The following RAB3IP variants were observed in gnomAD, a reference collection of about 807,000 sequenced individuals.
The protein encoded by RAB3IP is rab-3A-interacting protein.
RAB3IP carries 36 observed loss-of-function variants against 59.1 expected under a neutral mutation model. The observed-to-expected ratio is 0.61, with a 90% CI of 0.47 to 0.80. The LOEUF (loss-of-function observed/expected upper bound fraction) is 0.80. RAB3IP is among the 30% of genes least tolerant of loss of function. The pLI is 0.00. For synonymous variants in RAB3IP, 207 were observed against 191.2 expected (o/e 1.08, Z -0.68); for missense variants, 511 against 536.0 (o/e 0.95, Z 0.46).
chr12:69,783,675 C>G (rs1438343203), intron 3 of RAB3IP, among the ~76,000 whole-genome samples: 1 of 152,186 alleles, frequency 6.6e-6, no homozygotes, highest in Non-Finnish European at 1.5e-5. Flanking sequence ...TAGATTTGCT[C>G]TCCGAGTTTT....
rs374834761 is a variant in RAB3IP, at chr12:69,815,455, G to A, written c.*9G>A. 23 of 1,586,796 alleles carry A rather than the reference G, an allele frequency of 1.4e-5. No homozygotes were observed. Among genetic ancestry groups the A allele is most frequent in the African/African-American group, 1.3e-4 (10 of 74,434 alleles). On this transcript the variant is annotated 3_prime_UTR_variant, in exon 11 of 11. Coordinates refer to ENST00000247833, the MANE Select transcript of RAB3IP (RefSeq NM_022456.5). ...TCAAAGAGGAACTCTGATGCTCTGC[G>A]TGGGACCATGCCTGAACTCCCCGAA...
intron 8 of RAB3IP, among the ~76,000 whole-genome samples, chr12:69,810,515 C>T (rs777304426): frequency 3.3e-5 from 5 of 152,292 alleles, no homozygotes; most frequent in Middle Eastern, 6.8e-3. Flanking sequence ...ATCTTGGCTC[C>T]ACCCTCCAGA....
intron 1 of RAB3IP, among the ~76,000 whole-genome samples, chr12:69,745,639 T>C (rs1462019805): frequency 6.6e-6 from 1 of 152,192 alleles, no homozygotes; most frequent in African/African-American, 2.4e-5. Flanking sequence ...GATTAAACAT[T>C]ATTATTCTGT....
intron 3 of RAB3IP, among the ~76,000 whole-genome samples, chr12:69,761,785 C>G (rs918041408): frequency 6.6e-6 from 1 of 152,094 alleles, no homozygotes; most frequent in African/African-American, 2.4e-5. Flanking sequence ...TAAGTAACCC[C>G]CAAATTTTCG....
chr12:69,800,110 T>G, intron 6 of RAB3IP, 99 bp from the exon 7 acceptor site: 1 of 904,010 alleles, frequency 1.1e-6, no homozygotes, highest in African/African-American at 1.7e-5. Flanking sequence ...AATGAAGAGC[T>G]TTTTTTCAGT....
intron 3 of RAB3IP, among the ~76,000 whole-genome samples, chr12:69,783,135 T>C (rs975927316): frequency 6.6e-6 from 1 of 152,230 alleles, no homozygotes; most frequent in African/African-American, 2.4e-5. Context: ...TTAAATGATC[T>C]GGATTTCCCT....
Position 69,784,781 on chromosome 12 carries a change from A to G in RAB3IP, c.572A>G (p.Gln191Arg). ...RLSKVRDQLG[Q>R]ELEELTASLF... is the part of the protein sequence containing the mutation. The stretch of plus-strand genomic sequence containing the variant: ...TCAAAAGTGCGAGATCAACTTGGAC[A>G]GGAATTGGAAGAACTCACAGCTAGT... The change falls in exon 4 of 11, where the codon CAG (glutamine) becomes CGG (arginine). Residue 191 changes from glutamine to arginine, a missense_variant. Physicochemically the swap from Gln to Arg is conservative, Grantham distance 43 (BLOSUM62 1). Coordinates refer to ENST00000247833, the MANE Select transcript of RAB3IP (RefSeq NM_022456.5). 6.2e-7 allele frequency: 1 copy of G among 1,610,482 alleles called. No homozygotes were observed. Among genetic ancestry groups the G allele is most frequent in the Admixed American group, 1.7e-5 (1 of 59,774 alleles).
intron 4 of RAB3IP, among the ~76,000 whole-genome samples, chr12:69,790,884 C>T (rs1592567161): frequency 6.6e-6 from 1 of 152,182 alleles, no homozygotes; most frequent in Middle Eastern, 3.4e-3. Flanking sequence ...ATGCCCAGCC[C>T]CAAAGTAATC....
rs1565877923 is a variant in RAB3IP at position 69,756,605 on chromosome 12, T to G, written c.452T>G (p.Leu151Trp). The G allele has an allele frequency of 6.2e-7, 1 of 1,614,134 alleles. No individual in the cohort carries two copies. The highest frequency in any genetic ancestry group is 2.2e-5 in the East Asian group (1 of 44,872). Residue 151 changes from leucine (L) to tryptophan (W), a missense_variant, in exon 3 of 11, where the codon TTG becomes TGG. Leu to Trp is a moderately conservative substitution (Grantham distance 61, BLOSUM62 -2). Coordinates refer to ENST00000247833, the MANE Select transcript of RAB3IP (RefSeq NM_022456.5). ...TCTCGTTTACGAAGCCCATCTGTTTTGGAAGTTAGAGAAAAGGGCTATGAA... is the reference window on the plus strand; with the variant it reads ...TCTCGTTTACGAAGCCCATCTGTTTGGGAAGTTAGAGAAAAGGGCTATGAA... ...SLSRLRSPSV[L>W]EVREKGYERL...
At chr12:69,772,732 C>T (rs916811092) in intron 3 of RAB3IP, among the ~76,000 whole-genome samples, 3 of 152,086 alleles carry the variant, frequency 2.0e-5, no homozygotes, top group Admixed American at 1.3e-4. Context: ...CAATTTATAT[C>T]TTTGTGTATT....
chr12:69,740,509 A>G (rs572765124), intron 1 of RAB3IP, among the ~76,000 whole-genome samples: 1 of 152,264 alleles, frequency 6.6e-6, no homozygotes, highest in East Asian at 1.9e-4. Flanking sequence ...ATATTAATGT[A>G]TACCTTTGTG....
chr12:69,794,589 G>T, intron 5 of RAB3IP, 75 bp downstream of exon 5: 1 of 1,192,666 alleles, frequency 8.4e-7, no homozygotes, highest in African/African-American at 1.5e-5. Flanking sequence ...ACATCTGTTG[G>T]ATTTTGTTCT....
chr12:69,808,293 G>A (rs1879803112), intron 8 of RAB3IP, among the ~76,000 whole-genome samples: 1 of 152,040 alleles, frequency 6.6e-6, no homozygotes, highest in South Asian at 2.1e-4. Context: ...CATTTGCTGA[G>A]GTGTGCTTTA....
chr12:69,770,441 T>C (rs917432465), intron 3 of RAB3IP, among the ~76,000 whole-genome samples: 3 of 152,218 alleles, frequency 2.0e-5, no homozygotes, highest in African/African-American at 7.2e-5. Flanking sequence ...ATAGTTGTTA[T>C]ACTGTATTGT....
intron 1 of RAB3IP, among the ~76,000 whole-genome samples, chr12:69,751,888 C>T (rs977122782): frequency 1.3e-5 from 2 of 152,046 alleles, no homozygotes; most frequent in Admixed American, 6.6e-5. Flanking sequence ...GTTCCAAGCT[C>T]AGAATCAAAT....
At chr12:69,773,421 T>TTTTTTTTTTTTTTTTTTTTTTTG (rs1873525889) in intron 3 of RAB3IP, among the ~76,000 whole-genome samples, 1 of 129,350 alleles carries the variant, frequency 7.7e-6, no homozygotes, top group African/African-American at 3.0e-5. Flanking sequence ...TTTTTTTTTT[T>TTTTTTTTTTTTTTTTTTTTTTTG]TTATTATACT....
At chr12:69,758,444 C>G (rs545722820) in intron 3 of RAB3IP, among the ~76,000 whole-genome samples, 1 of 152,202 alleles carries the variant, frequency 6.6e-6, no homozygotes, top group South Asian at 2.1e-4. Context: ...ATTTCATCTT[C>G]CTGTGGCTTT....
chr12:69,800,705 C>G (rs1878242112), intron 7 of RAB3IP, among the ~76,000 whole-genome samples: 1 of 152,138 alleles, frequency 6.6e-6, no homozygotes, highest in African/African-American at 2.4e-5. Context: ...ATTTAAAAAT[C>G]TAATTTTTTA....
rs562138792 is a variant in RAB3IP at position 69,807,859 on chromosome 12, T to C, written c.1131-4919T>C. The stretch of plus-strand genomic sequence containing the variant: ...CGGCCGTGCGGAGGCGCTCCTCACC[T>C]CCCAGACGGGGCGGCCGGGCGGAGA... On this transcript the variant is annotated intron_variant, in intron 8 of 10. Coordinates refer to ENST00000247833, the MANE Select transcript of RAB3IP (RefSeq NM_022456.5). 3.2e-4 allele frequency among the ~76,000 whole-genome samples: 44 copies of C among 137,134 alleles called. No individual in the cohort carries two copies. The South Asian group carries it at 8.1e-3, about 25-fold the overall frequency. The allele number at this position is 137,134 out of a possible 152,430, so 90.0% of individuals were successfully genotyped here.
Sources: allele counts gnomAD v4.1 joint callset (sites outside exome capture counted in the v4.1 genomes callset), GRCh38; gene constraint gnomAD v4.1.1; transcripts MANE v1.5; gene names NCBI Gene and HGNC (gene_info 2026-07-23, HGNC 2026-07-21).